PLCB1: variants seen among roughly 807,000 people sequenced by gnomAD.
The protein encoded by PLCB1 is 1-phosphatidylinositol 4,5-bisphosphate phosphodiesterase beta-1.
A neutral mutation model predicts 161.8 loss-of-function variants in PLCB1; 46 were observed. The observed-to-expected ratio is 0.28, with a 90% CI of 0.22 to 0.36. The LOEUF (loss-of-function observed/expected upper bound fraction) is 0.36. Among genes scored for constraint, PLCB1 ranks in the 10% least tolerant of loss-of-function variants. PLCB1 has a pLI of 1.00. For synonymous variants in PLCB1, 517 were observed against 503.7 expected (o/e 1.03, Z -0.35); for missense variants, 1,016 against 1,472.5 (o/e 0.69, Z 5.07).
chr20:8,134,901 G>C (rs1042323113), intron 1 of PLCB1, among the ~76,000 whole-genome samples: 2 of 151,906 alleles, frequency 1.3e-5, no homozygotes, highest in African/African-American at 4.8e-5. Flanking sequence ...CTGCACTCAG[G>C]AGTCAAGTTA....
chr20:8,652,866 T>C (rs1457116206), intron 7 of PLCB1: 2 of 152,102 alleles, frequency 1.3e-5, no homozygotes, highest in African/African-American at 2.4e-5. Context: ...GAAGTTACCC[T>C]AATTGTTAAA....
intron 2 of PLCB1, among the ~76,000 whole-genome samples, chr20:8,207,653 T>C (rs887359655): frequency 6.6e-6 from 1 of 152,152 alleles, no homozygotes. Context: ...TGATCACAGG[T>C]CACTGCAGCC....
chr20:8,866,181 T>C (rs752006071), intron 31 of PLCB1, among the ~76,000 whole-genome samples: 1 of 152,176 alleles, frequency 6.6e-6, no homozygotes, highest in Non-Finnish European at 1.5e-5. Context: ...CACACTTACG[T>C]GACGAAGAAG....
At chr20:8,666,610 A>G (rs1568553032) in intron 9 of PLCB1, among the ~76,000 whole-genome samples, 1 of 152,220 alleles carries the variant, frequency 6.6e-6, no homozygotes, top group African/African-American at 2.4e-5. Context: ...AGAAATGGCA[A>G]TGTTGGGACC....
chr20:8,824,285 A>G (rs925260809), intron 31 of PLCB1, among the ~76,000 whole-genome samples: 1 of 152,078 alleles, frequency 6.6e-6, no homozygotes, highest in Non-Finnish European at 1.5e-5. Context: ...TGGAAAGGGG[A>G]CATTGGGAAA....
At chr20:8,420,505 A>G (rs1156759291) in intron 3 of PLCB1, among the ~76,000 whole-genome samples, 6 of 152,164 alleles carry the variant, frequency 3.9e-5, no homozygotes, top group Admixed American at 2.0e-4. Context: ...ACAGAGCCCA[A>G]TAGATAATTT....
At chr20:8,173,462 G>A (rs578146235) in intron 2 of PLCB1, among the ~76,000 whole-genome samples, 2 of 152,064 alleles carry the variant, frequency 1.3e-5, no homozygotes, top group African/African-American at 4.8e-5. Context: ...TTAAACCATC[G>A]GTGGAATGAC....
rs2662976 is a variant in PLCB1 at position 8,342,925 on chromosome 20, C to T, written c.178-28457C>T. Reference sequence around the variant, plus strand: ...AGCTACAGTAGATGCTGGGGGCCCTCAAATCCCAACAGTCCAATAAATCCC... The same window carrying T: ...AGCTACAGTAGATGCTGGGGGCCCTTAAATCCCAACAGTCCAATAAATCCC... On this transcript the variant is annotated intron_variant, in intron 2 of 31. Transcript: ENST00000338037. Among the ~76,000 whole-genome samples the T allele has an allele frequency of 6.0e-3, 914 of 152,294 alleles. 14 individuals are homozygous for T. The highest frequency in any genetic ancestry group is 0.021 in the African/African-American group (864 of 41,564).
intron 18 of PLCB1, among the ~76,000 whole-genome samples, chr20:8,732,332 T>C (rs560395257): frequency 3.4e-4 from 52 of 152,156 alleles, no homozygotes; most frequent in African/African-American, 1.3e-3. Flanking sequence ...CTGAAGGGCA[T>C]TTTAGCAAGG....
intron 31 of PLCB1, among the ~76,000 whole-genome samples, chr20:8,798,350 A>G (rs941891089): frequency 2.6e-5 from 4 of 152,212 alleles, no homozygotes; most frequent in African/African-American, 9.6e-5. Flanking sequence ...TGTATCAGTC[A>G]GGGTTCAACT....
intron 3 of PLCB1, among the ~76,000 whole-genome samples, chr20:8,558,937 G>A (rs1196076510): frequency 1.3e-5 from 2 of 151,868 alleles, no homozygotes; most frequent in East Asian, 1.9e-4. Flanking sequence ...ACAAGAAATG[G>A]TAAGGAGATG....
intron 3 of PLCB1, among the ~76,000 whole-genome samples, chr20:8,450,691 C>T (rs916219222): frequency 6.6e-6 from 1 of 152,060 alleles, no homozygotes; most frequent in African/African-American, 2.4e-5. Context: ...CTGTACTTAG[C>T]GAGGCATCTA....
chr20:8,296,832 C>A (rs1247276788), intron 2 of PLCB1, among the ~76,000 whole-genome samples: 1 of 152,070 alleles, frequency 6.6e-6, no homozygotes, highest in East Asian at 1.9e-4. Context: ...AATGCTTTTC[C>A]ATCGTTGTAG....
At chr20:8,154,554 AC>A (rs1391310643) in intron 2 of PLCB1, among the ~76,000 whole-genome samples, 2 of 152,206 alleles carry the variant, frequency 1.3e-5, no homozygotes, top group East Asian at 3.9e-4. Context: ...CCATTTTATA[AC>A]CCTACCTGTC....
rs190459192 is a variant in PLCB1 at position 8,671,955 on chromosome 20, G to A, written c.863-12977G>A. Reference sequence around the variant, plus strand: ...GTAATTTAAAAGTACGTCTCTCATAGGATTTCTATGCCTGGCATGTGGTCA... The same window carrying A: ...GTAATTTAAAAGTACGTCTCTCATAAGATTTCTATGCCTGGCATGTGGTCA... On this transcript the variant is annotated intron_variant, in intron 9 of 31. Transcript: ENST00000338037. Among the ~76,000 whole-genome samples the A allele has an allele frequency of 1.1e-4, 17 of 152,266 alleles. 1 individual carries two copies. Among genetic ancestry groups the A allele is most frequent in the Admixed American group, 9.2e-4 (14 of 15,286 alleles).
chr20:8,352,122 G>A (rs1986199535), intron 2 of PLCB1, among the ~76,000 whole-genome samples: 1 of 152,046 alleles, frequency 6.6e-6, no homozygotes, highest in South Asian at 2.1e-4. Flanking sequence ...GACAAACTGT[G>A]ATATATACAA....
intron 26 of PLCB1, among the ~76,000 whole-genome samples, chr20:8,769,760 C>G (rs956415388): frequency 6.6e-6 from 1 of 152,052 alleles, no homozygotes; most frequent in East Asian, 1.9e-4. Context: ...TGTAAGTGAC[C>G]TGTCAATGAG....
At chr20:8,754,081 C>T (rs764923970) in intron 23 of PLCB1, among the ~76,000 whole-genome samples, 4 of 152,194 alleles carry the variant, frequency 2.6e-5, no homozygotes, top group African/African-American at 4.8e-5. Context: ...TTGGTGCCCA[C>T]TTTATCCCCG....
At chr20:8,660,451 G>C (rs1989591682) in intron 9 of PLCB1, among the ~76,000 whole-genome samples, 1 of 152,098 alleles carries the variant, frequency 6.6e-6, no homozygotes, top group East Asian at 1.9e-4. Flanking sequence ...AAAACAAAAA[G>C]CTTTTCTGAA....
Sources: gnomAD v4.1 joint callset for allele counts (sites outside exome capture counted in the v4.1 genomes callset) on GRCh38, gnomAD v4.1.1 for gene constraint, MANE v1.5 for transcripts, NCBI Gene and HGNC (gene_info 2026-07-23, HGNC 2026-07-21) for gene names.